The following PHTF2 variants were observed in gnomAD, a reference collection of about 807,000 sequenced individuals.
PHTF2 encodes putative homeodomain transcription factor 2, also known as protein PHTF2.
In PHTF2, 60 loss-of-function variants were observed where a neutral mutation model predicts 101.2. The ratio of observed to expected loss-of-function variants is 0.59; its 90% CI spans 0.48 to 0.73. The LOEUF is 0.73. Ranked by LOEUF, PHTF2 falls within the 30% of genes least tolerant of loss-of-function variation. The pLI is 0.00. For synonymous variants in PHTF2, 311 were observed against 307.3 expected, an observed-to-expected ratio of 1.01 and a Z score of -0.13; for missense variants, 747 against 908.7, an observed-to-expected ratio of 0.82 and a Z score of 2.29.
intron 1 of PHTF2, among the ~76,000 whole-genome samples, chr7:77,833,016 G>A (rs1795188007): frequency 6.6e-6 from 1 of 152,116 alleles, no homozygotes; most frequent in Middle Eastern, 3.2e-3. Context: ...ATACTCTAAT[G>A]AAAAGTTATG....
chr7:77,848,635 A>C (rs1002009247), intron 2 of PHTF2, among the ~76,000 whole-genome samples: 1 of 152,108 alleles, frequency 6.6e-6, no homozygotes, highest in African/African-American at 2.4e-5. Flanking sequence ...GGTAGTTTGC[A>C]AATATTTTCT....
intron 2 of PHTF2, among the ~76,000 whole-genome samples, chr7:77,854,569 C>G (rs963783236): frequency 4.6e-5 from 7 of 152,138 alleles, no homozygotes; most frequent in African/African-American, 1.7e-4. Flanking sequence ...CCCCGTACCC[C>G]CCAACCCCAG....
chr7:77,946,805 T>C (rs986088553), intron 16 of PHTF2, among the ~76,000 whole-genome samples: 2 of 152,164 alleles, frequency 1.3e-5, no homozygotes, highest in Non-Finnish European at 2.9e-5. Flanking sequence ...ACATCTGTTA[T>C]ATACAGAAAT....
chr7:77,806,466 T>A (rs1792992465), intron 1 of PHTF2, among the ~76,000 whole-genome samples: 1 of 152,196 alleles, frequency 6.6e-6, no homozygotes. Context: ...CTACTTTGTA[T>A]AGCCATTCAG....
intron 7 of PHTF2, chr7:77,907,941 C>T (rs1019908769): frequency 6.6e-6 from 1 of 152,040 alleles, no homozygotes; most frequent in African/African-American, 2.4e-5. Context: ...TTTGGTCTTG[C>T]TGGTCACATT....
At chr7:77,947,893 C>T (rs1806216253) in intron 16 of PHTF2, among the ~76,000 whole-genome samples, 1 of 129,642 alleles carries the variant, frequency 7.7e-6, no homozygotes, top group African/African-American at 3.0e-5. Context: ...GGCTGGAGTG[C>T]AGTGGCACGA....
intron 1 of PHTF2, among the ~76,000 whole-genome samples, chr7:77,814,761 C>T (rs371967921): frequency 7.2e-5 from 11 of 151,928 alleles, no homozygotes; most frequent in South Asian, 2.1e-4. Context: ...CCACCGCGCC[C>T]GGTCTGGGGG....
At chr7:77,806,098 C>T (rs989423964) in intron 1 of PHTF2, among the ~76,000 whole-genome samples, 25 of 151,732 alleles carry the variant, frequency 1.6e-4, no homozygotes, top group African/African-American at 5.6e-4. Flanking sequence ...TCCTTTGAAC[C>T]TGGGAGGGGA....
chr7:77,896,004 A>T (rs1439951376), intron 5 of PHTF2: 4 of 152,316 alleles, frequency 2.6e-5, no homozygotes, highest in African/African-American at 7.2e-5. Context: ...AAATAAAGAT[A>T]AAAATGAGAC....
chr7:77,825,283 C>T lies in PHTF2; in HGVS notation c.-35-14938C>T, dbSNP rs1794616948. ...GTTGTATATGACAAGGCTTCTAATCCCAGCCCCGTATCCCAGAAACAAGAC... is the reference window on the plus strand; with the variant it reads ...GTTGTATATGACAAGGCTTCTAATCTCAGCCCCGTATCCCAGAAACAAGAC... On this transcript the variant is annotated intron_variant, in intron 1 of 19. Transcript: ENST00000416283. Among the ~76,000 whole-genome samples, 4 of 152,126 alleles carry T rather than the reference C, an allele frequency of 2.6e-5. No homozygotes were observed. In the South Asian group the frequency reaches 8.3e-4, roughly 32 times the overall value.
At chr7:77,933,764 G>A (rs1263187723) in intron 12 of PHTF2, among the ~76,000 whole-genome samples, 1 of 143,912 alleles carries the variant, frequency 6.9e-6, no homozygotes, top group Non-Finnish European at 1.5e-5. Context: ...GAGGTACACA[G>A]TAGGTATTTA....
At chr7:77,859,493 T>TA (rs993748302) in intron 3 of PHTF2, among the ~76,000 whole-genome samples, 1 of 151,640 alleles carries the variant, frequency 6.6e-6, no homozygotes, top group South Asian at 2.1e-4. Flanking sequence ...CCTCTTTTTT[T>TA]AAAAAAAATT....
intron 3 of PHTF2, among the ~76,000 whole-genome samples, chr7:77,868,692 A>G (rs1278002536): frequency 6.6e-6 from 1 of 152,190 alleles, no homozygotes; most frequent in Non-Finnish European, 1.5e-5. Flanking sequence ...AAGACAAATC[A>G]GATTTATCCT....
chr7:77,829,254 G>C (rs1240166352), intron 1 of PHTF2, among the ~76,000 whole-genome samples: 1 of 152,118 alleles, frequency 6.6e-6, no homozygotes, highest in Non-Finnish European at 1.5e-5. Context: ...TTTAGTACGG[G>C]TATAGAGAGA....
At chr7:77,928,606 C>T (rs1804280581) in intron 11 of PHTF2, among the ~76,000 whole-genome samples, 1 of 152,196 alleles carries the variant, frequency 6.6e-6, no homozygotes, top group South Asian at 2.1e-4. Context: ...TCACAGTCAG[C>T]CCTGTGGAAC....
intron 11 of PHTF2, among the ~76,000 whole-genome samples, chr7:77,925,526 T>G (rs1047479435): frequency 1.1e-5 from 1 of 91,238 alleles, no homozygotes; most frequent in Non-Finnish European, 2.2e-5. Flanking sequence ...TTTTTTTTTT[T>G]GAGACAGAGT....
Position 77,883,433 on chromosome 7 carries a change from T to A in PHTF2, c.148-10175T>A, listed in dbSNP as rs184615927. 5.3e-5 allele frequency among the ~76,000 whole-genome samples: 8 copies of A among 152,306 alleles called. No homozygotes were observed. In the East Asian group the frequency reaches 1.5e-3, roughly 29 times the overall value. On this transcript the variant is annotated intron_variant, in intron 3 of 19. Transcript: ENST00000416283. ...TCTTTCATTGGTGATTAGTGTTTTA[T>A]TCTCACATTCACTATTTTGTTCAGT... is the stretch of plus-strand genomic sequence containing the variant.
chr7:77,896,266 C>T (rs1354894095), intron 5 of PHTF2, among the ~76,000 whole-genome samples: 1 of 152,138 alleles, frequency 6.6e-6, no homozygotes, highest in Non-Finnish European at 1.5e-5. Flanking sequence ...AATGTACACA[C>T]TACCCATTAA....
At chr7:77,936,690 G>T (rs750725318) in intron 12 of PHTF2, among the ~76,000 whole-genome samples, 1 of 132,156 alleles carries the variant, frequency 7.6e-6, no homozygotes, top group Non-Finnish European at 1.6e-5. Context: ...CAAAATGTGG[G>T]AAGTATATGA....
Sources: allele counts gnomAD v4.1 joint callset (sites outside exome capture counted in the v4.1 genomes callset), GRCh38; gene constraint gnomAD v4.1.1; transcripts MANE v1.5; gene names NCBI Gene and HGNC (gene_info 2026-07-23, HGNC 2026-07-21).